AK7: variants seen among roughly 807,000 people sequenced by gnomAD.
AK7 encodes the protein ATP-AMP transphosphorylase 7.
Under a neutral mutation model 96.6 loss-of-function variants are expected in AK7, and 78 were observed. The observed-to-expected ratio is 0.81, with a 90% CI of 0.67 to 0.97. The LOEUF (loss-of-function observed/expected upper bound fraction) is 0.97, where lower values mean the gene tolerates loss of function less well. AK7 is among the 50% of genes least tolerant of loss of function. The pLI is 0.00. For synonymous variants in AK7, 302 were observed against 317.2 expected (o/e 0.95, Z 0.51); for missense variants, 855 against 887.9 (o/e 0.96, Z 0.47).
At chr14:96,457,704 A>T (rs1265422674) in intron 11 of AK7, among the ~76,000 whole-genome samples, 1 of 152,140 alleles carries the variant, frequency 6.6e-6, no homozygotes, top group Non-Finnish European at 1.5e-5. Flanking sequence ...ACTGCTTTGT[A>T]TCATTTTATT....
intron 5 of AK7, among the ~76,000 whole-genome samples, chr14:96,433,954 T>C (rs1892498510): frequency 6.6e-6 from 1 of 152,232 alleles, no homozygotes; most frequent in Middle Eastern, 3.2e-3. Flanking sequence ...TCTGAATTCC[T>C]TCTCTGTGTT....
At position 96,487,162 on chromosome 14, in the gene AK7, G is replaced by A; in HGVS notation, c.2133+106G>A. ...GGCCAAGGTCAGGGGATCACTTGTGGTCAGGAGTTAGAGACCACCCTGCCA... is the reference window on the plus strand; with the variant it reads ...GGCCAAGGTCAGGGGATCACTTGTGATCAGGAGTTAGAGACCACCCTGCCA... On this transcript the variant is annotated intron_variant, in intron 17 of 17. Transcript: ENST00000267584. The A allele has an allele frequency of 8.3e-6, 10 of 1,205,400 alleles. 1 individual carries two copies. The highest frequency in any genetic ancestry group is 1.2e-5 in the Non-Finnish European group (10 of 851,980). The allele number at this position is 1,205,400 out of a possible 1,614,324, so 74.7% of individuals were successfully genotyped here.
At chr14:96,396,989 C>A (rs890265765) in intron 1 of AK7, among the ~76,000 whole-genome samples, 1 of 152,132 alleles carries the variant, frequency 6.6e-6, no homozygotes, top group African/African-American at 2.4e-5. Flanking sequence ...CCCAGCTACT[C>A]AGGAGGCTGA....
At chr14:96,462,996 G>A (rs1275477002) in intron 12 of AK7, among the ~76,000 whole-genome samples, 1 of 152,066 alleles carries the variant, frequency 6.6e-6, no homozygotes, top group Non-Finnish European at 1.5e-5. Flanking sequence ...AATTAGCCGG[G>A]TGTGGTGGTG....
At chr14:96,412,332 A>G (rs1891085698) in intron 4 of AK7, among the ~76,000 whole-genome samples, 1 of 150,146 alleles carries the variant, frequency 6.7e-6, no homozygotes, top group Non-Finnish European at 1.5e-5. Context: ...GGTTCAAGCA[A>G]TTCTCTTGCC....
chr14:96,482,714 C>T (rs999383147), intron 15 of AK7, among the ~76,000 whole-genome samples: 6 of 152,132 alleles, frequency 3.9e-5, no homozygotes, highest in African/African-American at 1.4e-4. Flanking sequence ...ATGGAGAGCT[C>T]ATTACTTTTC....
intron 1 of AK7, among the ~76,000 whole-genome samples, chr14:96,395,002 C>T (rs935331222): frequency 6.6e-6 from 1 of 152,072 alleles, no homozygotes; most frequent in Admixed American, 6.6e-5. Flanking sequence ...ATAGAGAAGA[C>T]AGTCGAAACT....
intron 14 of AK7, among the ~76,000 whole-genome samples, chr14:96,475,083 G>A (rs1449791764): frequency 6.6e-6 from 1 of 152,252 alleles, no homozygotes; most frequent in Non-Finnish European, 1.5e-5. Flanking sequence ...ACTCTTAAAC[G>A]TAGGCCACTG....
intron 12 of AK7, among the ~76,000 whole-genome samples, chr14:96,463,001 G>A (rs1020443988): frequency 1.3e-5 from 2 of 152,090 alleles, no homozygotes; most frequent in African/African-American, 2.4e-5. Flanking sequence ...GCCGGGTGTG[G>A]TGGTGGATGC....
chr14:96,426,226 C>G (rs926832963), intron 5 of AK7, among the ~76,000 whole-genome samples: 2 of 152,150 alleles, frequency 1.3e-5, no homozygotes, highest in Admixed American at 1.3e-4. Flanking sequence ...CAAATACTAT[C>G]TTATAACCCA....
chr14:96,456,693 G>C, intron 11 of AK7: 1 of 397,098 alleles, frequency 2.5e-6, no homozygotes, highest in South Asian at 3.4e-5. Context: ...CCACACTGGC[G>C]TCAGAGAGCT....
intron 12 of AK7, among the ~76,000 whole-genome samples, chr14:96,466,528 C>T (rs898865776): frequency 1.8e-4 from 27 of 151,732 alleles, no homozygotes; most frequent in Non-Finnish European, 5.9e-5. Context: ...GTGAGCCACA[C>T]TGCCTGGCCT....
intron 12 of AK7, among the ~76,000 whole-genome samples, chr14:96,463,634 G>A (rs1027870593): frequency 6.7e-6 from 1 of 150,070 alleles, no homozygotes; most frequent in Non-Finnish European, 1.5e-5. Flanking sequence ...GCAGGAGAAT[G>A]GTGTGAACCT....
rs1187550079 is a variant in AK7 at position 96,399,505 on chromosome 14, T to A, written c.294+1242T>A. Among the ~76,000 whole-genome samples, 1 of 152,200 alleles carries A rather than the reference T, an allele frequency of 6.6e-6. No individual in the cohort carries two copies. The highest frequency in any genetic ancestry group is 2.4e-5 in the African/African-American group (1 of 41,458). ...CAGCCTCTTTCTCTGCCCCGGCCCC[T>A]GCCACCACTGAACTTCAGGAGACCA... On this transcript the variant is annotated intron_variant, in intron 2 of 17. Transcript: ENST00000267584. This position sits in a 1 kb window ranked among gnomAD's most constrained non-coding sequence, Gnocchi z 4.1.
At chr14:96,436,344 C>T (rs1892633491) in intron 5 of AK7, among the ~76,000 whole-genome samples, 1 of 152,142 alleles carries the variant, frequency 6.6e-6, no homozygotes. Flanking sequence ...GAGTAACATT[C>T]TTCCTAAAAA....
At chr14:96,484,762 T>C (rs1451785044) in intron 16 of AK7, among the ~76,000 whole-genome samples, 1 of 152,264 alleles carries the variant, frequency 6.6e-6, no homozygotes. Context: ...ATATACATTT[T>C]ATGTATTTAT....
chr14:96,431,251 C>CT (rs1892333805), intron 5 of AK7, among the ~76,000 whole-genome samples: 1 of 152,024 alleles, frequency 6.6e-6, no homozygotes, highest in Admixed American at 6.6e-5. Flanking sequence ...TTTTGTGTCT[C>CT]TGTCTCCTTC....
At chr14:96,465,887 G>GT (rs1894535682) in intron 12 of AK7, among the ~76,000 whole-genome samples, 1 of 151,598 alleles carries the variant, frequency 6.6e-6, no homozygotes, top group South Asian at 2.1e-4. Context: ...GCAGATGCCT[G>GT]TAATCCCAAC....
chr14:96,464,946 A>G (rs912025345), intron 12 of AK7, among the ~76,000 whole-genome samples: 6 of 152,194 alleles, frequency 3.9e-5, no homozygotes, highest in African/African-American at 1.2e-4. Flanking sequence ...AAGGATATTC[A>G]TGACCAAGTC....
Sources: allele counts gnomAD v4.1 joint callset (sites outside exome capture counted in the v4.1 genomes callset), GRCh38; gene constraint gnomAD v4.1.1; non-coding constraint Gnocchi (gnomAD v3.1); transcripts MANE v1.5; gene names NCBI Gene and HGNC (gene_info 2026-07-23, HGNC 2026-07-21).